Variants in DCTN4 observed in about 807,000 individuals in gnomAD.
DCTN4 encodes dynactin 4 (p62).
In DCTN4, 23 loss-of-function variants were observed where a neutral mutation model predicts 62.7. The ratio of observed to expected loss-of-function variants is 0.37; its 90% CI spans 0.26 to 0.52. The LOEUF (loss-of-function observed/expected upper bound fraction) is 0.52. Among genes scored for constraint, DCTN4 ranks in the 20% least tolerant of loss-of-function variants. DCTN4 has a pLI of 0.92. For synonymous variants in DCTN4, 199 were observed against 202.1 expected, an observed-to-expected ratio of 0.98 and a Z score of 0.13; for missense variants, 514 against 580.4, an observed-to-expected ratio of 0.89 and a Z score of 1.18.
At chr5:150,725,958 A>G (rs893553034) in intron 8 of DCTN4, among the ~76,000 whole-genome samples, 1 of 152,176 alleles carries the variant, frequency 6.6e-6, no homozygotes, top group Non-Finnish European at 1.5e-5. Context: ...GCCGGAGTAC[A>G]ATGGCGCAAT....
At chr5:150,747,121 C>T (rs1448787200) in intron 3 of DCTN4, among the ~76,000 whole-genome samples, 9 of 152,228 alleles carry the variant, frequency 5.9e-5, no homozygotes, top group Middle Eastern at 3.4e-3. Context: ...GTACAAAAAT[C>T]ACAAGCATTC....
At chr5:150,711,478 T>C (rs1759562870) in intron 12 of DCTN4, 116 bp from the exon 13 acceptor site, 2 of 800,020 alleles carry the variant, frequency 2.5e-6, no homozygotes, top group East Asian at 2.7e-5. Flanking sequence ...AGAAAACCTA[T>C]AAACACTTTG....
intron 12 of DCTN4, among the ~76,000 whole-genome samples, chr5:150,712,125 GTTAT>G (rs1026942680): frequency 3.9e-5 from 6 of 151,952 alleles, no homozygotes; most frequent in African/African-American, 1.2e-4. Flanking sequence ...ACCGTGGAAA[GTTAT>G]TTATTTATTT....
In DCTN4 at chr5:150,731,061, G is replaced by A. The variant is rs766970015; in HGVS notation, c.707C>T (p.Pro236Leu). The A allele has an allele frequency of 1.4e-5, 22 of 1,594,184 alleles. No homozygotes were observed. Among genetic ancestry groups the A allele is most frequent in the Non-Finnish European group, 1.9e-5 (22 of 1,163,446 alleles). The stretch of plus-strand genomic sequence containing the variant: ...AAAATTACCCTCTGTTAAATTTACT[G>A]GTCTTGTATAATAGTCTTCAGGTAG... ...EPLPEDYYTR[P>L]VNLTEVTTLQ... The change falls in exon 7 of 13, where the codon CCA becomes CTA. Residue 236 changes from proline (P) to leucine (L), a missense_variant. Physicochemically the swap from Pro to Leu is moderately conservative, Grantham distance 98 (BLOSUM62 -3). Transcript: ENST00000447998.
intron 12 of DCTN4, among the ~76,000 whole-genome samples, chr5:150,711,906 C>T (rs910341463): frequency 1.3e-5 from 2 of 152,050 alleles, no homozygotes; most frequent in African/African-American, 4.8e-5. Context: ...TTTTTTAACT[C>T]TGTTTATCAC....
At position 150,733,485 on chromosome 5, in the gene DCTN4, A is replaced by C; in HGVS notation, c.430-10T>G. 1 of 1,602,570 alleles carries C rather than the reference A, an allele frequency of 6.2e-7. No individual in the cohort carries two copies. ...CAATCAATTTGTTCATCTGTAAGAA[A>C]ATCACAGACTCAGTACACAAAAAAG... On this transcript the variant is annotated splice_polypyrimidine_tract_variant and intron_variant, in intron 4 of 12. Transcript: ENST00000447998.
chr5:150,735,965 A>G (rs557534938), intron 4 of DCTN4, among the ~76,000 whole-genome samples: 1 of 152,042 alleles, frequency 6.6e-6, no homozygotes, highest in East Asian at 1.9e-4. Flanking sequence ...CTCCAGAGAA[A>G]GACAGCATAA....
intron 7 of DCTN4, 147 bp from the exon 8 acceptor site, chr5:150,730,887 TCAAA>T (rs887563521): frequency 2.0e-5 from 16 of 815,412 alleles, no homozygotes; most frequent in African/African-American, 5.2e-5. Context: ...ATTTTAGATT[TCAAA>T]CAATTACCTC....
chr5:150,715,741 C>A, intron 11 of DCTN4, 79 bp from the exon 12 acceptor site: 3 of 1,108,676 alleles, frequency 2.7e-6, no homozygotes, highest in Admixed American at 3.8e-5. Context: ...TTGATTTAGA[C>A]AAATGGAAGC....
At chr5:150,746,561 G>C (rs558793562) in intron 3 of DCTN4, among the ~76,000 whole-genome samples, 1,613 of 152,058 alleles carry the variant, frequency 0.011, 28 homozygotes, top group African/African-American at 0.035. Context: ...CAAACCGAAT[G>C]CAGCAGCACA....
At chr5:150,731,691 G>T in intron 5 of DCTN4, 1 of 640,494 alleles carries the variant, frequency 1.6e-6, no homozygotes, top group East Asian at 2.7e-5. Flanking sequence ...CACTAAACAT[G>T]GAGATTGAAA....
chr5:150,716,811 T>C (rs1362696392), intron 11 of DCTN4, among the ~76,000 whole-genome samples: 2 of 151,276 alleles, frequency 1.3e-5, no homozygotes, highest in African/African-American at 2.4e-5. Flanking sequence ...CCCAGCTACT[T>C]GGGAGGCTGA....
Position 150,710,704 on chromosome 5 carries a change from A to C in DCTN4, c.*445T>G, listed in dbSNP as rs924788664. 1 of 169,724 alleles carries C rather than the reference A, an allele frequency of 5.9e-6. No individual in the cohort carries two copies. Among genetic ancestry groups the C allele is most frequent in the African/African-American group, 2.4e-5 (1 of 42,172 alleles). 10.5% of individuals were successfully genotyped at this position (169,724 alleles called of 1,614,324 possible). A position where few individuals can be genotyped will look rare whatever the true frequency, so the allele number is the denominator to read the frequency against. ...TAGATGATATTTAACGGAATGCAGA[A>C]AGCAGTTGGTACATTGTGACCAATG... On this transcript the variant is annotated 3_prime_UTR_variant, in exon 13 of 13. Coordinates refer to ENST00000447998, the MANE Select transcript of DCTN4 (RefSeq NM_016221.4).
chr5:150,757,986 ATTGGT>A lies in DCTN4; in HGVS notation c.135+868_135+872del, dbSNP rs1331658673. On this transcript the variant is annotated intron_variant, in intron 1 of 12. Coordinates refer to ENST00000447998, the MANE Select transcript of DCTN4 (RefSeq NM_016221.4). Reference sequence around the variant, plus strand: ...TTTTTTAAAAAAAGTATCCACTTAAATTGGTTTGAAGATTACATAAAGCACATGAC... The same window carrying A: ...TTTTTTAAAAAAAGTATCCACTTAAATTGAAGATTACATAAAGCACATGAC... The A allele has an allele frequency of 4.9e-6, 4 of 824,390 alleles. No homozygotes were observed. The African/African-American group carries it at 7.4e-5, about 15-fold the overall frequency. 51.1% of individuals were successfully genotyped at this position (824,390 alleles called of 1,614,324 possible).
chr5:150,715,541 G>A (rs1759722877), intron 12 of DCTN4, 24 bp downstream of exon 12: 4 of 1,594,186 alleles, frequency 2.5e-6, no homozygotes, highest in Non-Finnish European at 2.6e-6. Flanking sequence ...TTTGTTGTAT[G>A]GGGATCACAA....
chr5:150,717,534 CA>C (rs2151470555), intron 11 of DCTN4, among the ~76,000 whole-genome samples: 1 of 152,306 alleles, frequency 6.6e-6, no homozygotes, highest in South Asian at 2.1e-4. Flanking sequence ...AGGCGTGAGC[CA>C]CCAAGCCCAG....
At chr5:150,756,069 A>G (rs1188857406) in intron 2 of DCTN4, among the ~76,000 whole-genome samples, 1 of 145,654 alleles carries the variant, frequency 6.9e-6, no homozygotes, top group African/African-American at 2.6e-5. Flanking sequence ...TGAGACAAAG[A>G]CTTGCTCTGT....
At chr5:150,744,336 G>A (rs1037349653) in intron 3 of DCTN4, among the ~76,000 whole-genome samples, 1 of 151,896 alleles carries the variant, frequency 6.6e-6, no homozygotes, top group African/African-American at 2.4e-5. Flanking sequence ...AAAGTGATGG[G>A]GAGAATGGAA....
At chr5:150,754,157 T>A (rs1752775031) in intron 2 of DCTN4, among the ~76,000 whole-genome samples, 1 of 152,182 alleles carries the variant, frequency 6.6e-6, no homozygotes, top group South Asian at 2.1e-4. Context: ...GGGCTTTCTG[T>A]TCTCTCCTTA....
Sources: gnomAD v4.1 joint callset for allele counts (sites outside exome capture counted in the v4.1 genomes callset) on GRCh38, gnomAD v4.1.1 for gene constraint, MANE v1.5 for transcripts, NCBI Gene and HGNC (gene_info 2026-07-23, HGNC 2026-07-21) for gene names.